MCC: variants seen among roughly 807,000 people sequenced by gnomAD.
MCC encodes MCC regulator of Wnt signaling pathway.
MCC carries 90 observed loss-of-function variants against 116.2 expected under a neutral mutation model. The observed-to-expected ratio is 0.77, with a 90% CI of 0.65 to 0.92. The LOEUF is 0.92. Among genes scored for constraint, MCC ranks in the 40% least tolerant of loss-of-function variants. The pLI, the probability that MCC is intolerant of heterozygous loss-of-function variation, is 0.00. For synonymous variants in MCC, 578 were observed against 510.5 expected (o/e 1.13, Z -1.78); for missense variants, 1,516 against 1,312.2 (o/e 1.16, Z -2.40).
chr5:113,094,578 G>A (rs1445857567), intron 8 of MCC, among the ~76,000 whole-genome samples: 2 of 151,872 alleles, frequency 1.3e-5, no homozygotes, highest in Non-Finnish European at 2.9e-5. Context: ...CCACCACCAC[G>A]CCTGGCTAAT....
chr5:113,043,208 G>C lies in MCC; in HGVS notation c.2756+322C>G, dbSNP rs572614800. Among the ~76,000 whole-genome samples the C allele has an allele frequency of 7.2e-5, 11 of 152,324 alleles. No individual in the cohort carries two copies. In the South Asian group the frequency reaches 2.3e-3, roughly 32 times the overall value. ...CCTGCTGAAGTTGGAAACAAGGTAA[G>C]AGTGCCTGTTTTCACCTCACTAGTT... On this transcript the variant is annotated intron_variant, in intron 17 of 18. Coordinates refer to ENST00000408903, the MANE Select transcript of MCC (RefSeq NM_001085377.2).
At chr5:113,409,989 T>C (rs981053850) in intron 1 of MCC, among the ~76,000 whole-genome samples, 7 of 152,360 alleles carry the variant, frequency 4.6e-5, no homozygotes, top group Non-Finnish European at 1.0e-4. Flanking sequence ...TCCAGGGAAA[T>C]ATCTATATAT....
In MCC at chr5:113,382,305, C is replaced by T. The variant is rs116317270; in HGVS notation, c.415+2663G>A. On this transcript the variant is annotated intron_variant, in intron 2 of 18. Transcript: ENST00000408903. ...TTTTTTTTGGATACAGGGTCTTACT[C>T]TATCACCCCGGCTGGAGTGCAGTGG... Among the ~76,000 whole-genome samples the T allele has an allele frequency of 5.4e-3, 785 of 145,472 alleles. 7 individuals carry two copies. The highest frequency in any genetic ancestry group is 0.019 in the African/African-American group (748 of 39,260).
chr5:113,143,381 CAG>C, intron 4 of MCC, 21 bp from the exon 5 acceptor site: 1 of 1,613,172 alleles, frequency 6.2e-7, no homozygotes, highest in Non-Finnish European at 8.5e-7. Context: ...GGGAAAAGGA[CAG>C]AAGTGCTGAT....
intron 11 of MCC, among the ~76,000 whole-genome samples, chr5:113,082,122 A>C (rs1175422946): frequency 6.6e-6 from 1 of 152,250 alleles, no homozygotes; most frequent in African/African-American, 2.4e-5. Flanking sequence ...CATCACTGGC[A>C]TGACACATAA....
rs370877368 is a variant in MCC, at chr5:113,080,463, C to T, written c.1784+2397G>A. ...TGTGGCACACATACACCATGGAATA[C>T]TACTCAGCCATAAAAAAGGATGAGT... On this transcript the variant is annotated intron_variant, in intron 11 of 18. Transcript: ENST00000408903. 8.3e-4 allele frequency among the ~76,000 whole-genome samples: 126 copies of T among 152,300 alleles called. 2 individuals are homozygous for T. Among genetic ancestry groups the T allele is most frequent in the African/African-American group, 2.8e-3 (118 of 41,558 alleles).
intron 14 of MCC, among the ~76,000 whole-genome samples, chr5:113,060,842 C>T (rs1315078190): frequency 6.6e-6 from 1 of 152,168 alleles, no homozygotes; most frequent in African/African-American, 2.4e-5. Context: ...GCGTTTGTCT[C>T]AAGGACTTTG....
intron 1 of MCC, chr5:113,437,194 T>C (rs1770889095): frequency 6.6e-6 from 1 of 152,230 alleles, no homozygotes; most frequent in Non-Finnish European, 1.5e-5. Context: ...CCAATGCTGT[T>C]TTCTTTATTG....
At chr5:113,463,632 G>A (rs1193834764) in intron 1 of MCC, among the ~76,000 whole-genome samples, 2 of 152,176 alleles carry the variant, frequency 1.3e-5, no homozygotes, top group East Asian at 1.9e-4. Context: ...TGAATCCATT[G>A]TTGGACTTGT....
intron 3 of MCC, among the ~76,000 whole-genome samples, chr5:113,154,367 G>A (rs890909343): frequency 6.6e-6 from 1 of 152,246 alleles, no homozygotes; most frequent in Non-Finnish European, 1.5e-5. Context: ...TACAACTAGA[G>A]AGAGCAGAAG....
chr5:113,122,718 G>T lies in MCC; in HGVS notation c.993C>A (p.Pro331=). ...MDQDQTSVSI[P]ENQSTMVTAD... ...CAGTAACCATGGTAGACTGGTTTTC[G>T]GGGATAGAGACAGAGGTCTGGTCTT... The change falls in exon 6 of 19, where the codon CCC becomes CCA. Residue 331 remains proline (P), a synonymous_variant. Coordinates refer to ENST00000408903, the MANE Select transcript of MCC (RefSeq NM_001085377.2). 1 of 1,614,120 alleles carries T rather than the reference G, an allele frequency of 6.2e-7. No homozygotes were observed. Among genetic ancestry groups the T allele is most frequent in the South Asian group, 1.1e-5 (1 of 91,076 alleles).
chr5:113,215,295 AGG>A (rs1308423803), intron 3 of MCC, among the ~76,000 whole-genome samples: 1 of 152,194 alleles, frequency 6.6e-6, no homozygotes, highest in Non-Finnish European at 1.5e-5. Flanking sequence ...GGGGGAGGAA[AGG>A]GAGATTAGAA....
chr5:113,303,797 C>G (rs552289153), intron 3 of MCC, among the ~76,000 whole-genome samples: 1 of 152,114 alleles, frequency 6.6e-6, no homozygotes, highest in Non-Finnish European at 1.5e-5. Flanking sequence ...GGATTACAGT[C>G]GCCAGCCACT....
chr5:113,294,788 T>A (rs1459388938), intron 3 of MCC: 1 of 987,070 alleles, frequency 1.0e-6, no homozygotes, highest in Non-Finnish European at 1.2e-6. Flanking sequence ...GCCGACACCC[T>A]AGAGGGCACC....
chr5:113,041,368 T>G (rs1285833605), intron 17 of MCC, among the ~76,000 whole-genome samples: 1 of 151,990 alleles, frequency 6.6e-6, no homozygotes, highest in Admixed American at 6.5e-5. Context: ...TAGAAAGGAG[T>G]GCTCTTTGTA....
chr5:113,022,379 G>A lies in MCC; in HGVS notation c.*4923C>T, dbSNP rs1750203279. On this transcript the variant is annotated 3_prime_UTR_variant, in exon 19 of 19. Coordinates refer to ENST00000408903, the MANE Select transcript of MCC (RefSeq NM_001085377.2). Reference sequence around the variant, plus strand: ...AACAATACTGACAAATGCAAACTTAGTCACATGTGCTTTAATAACTGACAA... The same window carrying A: ...AACAATACTGACAAATGCAAACTTAATCACATGTGCTTTAATAACTGACAA... 1 of 152,612 alleles carries A rather than the reference G, an allele frequency of 6.6e-6. No homozygotes were observed. Among genetic ancestry groups the A allele is most frequent in the South Asian group, 2.1e-4 (1 of 4,834 alleles). The allele number at this position is 152,612 out of a possible 1,614,324, so 9.5% of individuals were successfully genotyped here.
At chr5:113,049,392 A>G in intron 15 of MCC, 93 bp from the exon 16 acceptor site, 1 of 1,043,326 alleles carries the variant, frequency 9.6e-7, no homozygotes, top group Non-Finnish European at 1.4e-6. Flanking sequence ...GTCCCCGGCT[A>G]TGACCCACAG....
At chr5:113,092,537 T>C (rs917480723) in intron 8 of MCC, among the ~76,000 whole-genome samples, 2 of 152,148 alleles carry the variant, frequency 1.3e-5, no homozygotes, top group Non-Finnish European at 2.9e-5. Flanking sequence ...CCACAGGAGA[T>C]TACACAGCTA....
chr5:113,039,711 G>GCCCCCCCCCCCCCCCCC (rs61635777), intron 17 of MCC, among the ~76,000 whole-genome samples: 1 of 52,336 alleles, frequency 1.9e-5, no homozygotes, highest in African/African-American at 6.5e-5. Flanking sequence ...CCCACTCCGC[G>GCCCCCCCCCCCCCCCCC]CCCCCCCCCC....
Sources: gnomAD v4.1 joint callset for allele counts (sites outside exome capture counted in the v4.1 genomes callset) on GRCh38, gnomAD v4.1.1 for gene constraint, MANE v1.5 for transcripts, NCBI Gene and HGNC (gene_info 2026-07-23, HGNC 2026-07-21) for gene names.